Variants in AGBL1 observed in about 807,000 individuals in gnomAD.
AGBL1 encodes the protein AGBL carboxypeptidase 1, also known as cytosolic carboxypeptidase 4.
Under a neutral mutation model 118.9 loss-of-function variants are expected in AGBL1, and 130 were observed. That is an observed-to-expected ratio of 1.09 (90% confidence interval 0.95 to 1.26). The LOEUF (loss-of-function observed/expected upper bound fraction) is 1.26, where lower values mean the gene tolerates loss of function less well. AGBL1 is among the 50% of genes most tolerant of loss of function. AGBL1 has a pLI of 0.00. For synonymous variants in AGBL1, 555 were observed against 478.9 expected (o/e 1.16, Z -2.08); for missense variants, 1,584 against 1,298.1 (o/e 1.22, Z -3.38).
intron 5 of AGBL1, among the ~76,000 whole-genome samples, chr15:86,184,071 T>C (rs1359541285): frequency 6.6e-6 from 1 of 152,164 alleles, no homozygotes; most frequent in African/African-American, 2.4e-5. Context: ...AGAGATAAAG[T>C]GTTATAATGT....
At chr15:86,493,853 C>T (rs776257281) in intron 18 of AGBL1, among the ~76,000 whole-genome samples, 8 of 152,050 alleles carry the variant, frequency 5.3e-5, no homozygotes, top group Non-Finnish European at 1.2e-4. Context: ...CATCCCCTTG[C>T]CCACTTCCCC....
chr15:86,544,291 C>T (rs1009508432), intron 19 of AGBL1, among the ~76,000 whole-genome samples: 1 of 152,136 alleles, frequency 6.6e-6, no homozygotes, highest in African/African-American at 2.4e-5. Flanking sequence ...TCTCATCATC[C>T]AGCAGCCCAG....
intron 23 of AGBL1, among the ~76,000 whole-genome samples, chr15:86,929,024 A>G (rs917484036): frequency 1.3e-5 from 2 of 152,020 alleles, no homozygotes; most frequent in African/African-American, 4.8e-5. Context: ...CTTTTTTTCA[A>G]ACTCCCTGTC....
chr15:86,470,078 C>T (rs754613519), intron 18 of AGBL1, among the ~76,000 whole-genome samples: 7 of 152,110 alleles, frequency 4.6e-5, no homozygotes, highest in African/African-American at 9.7e-5. Flanking sequence ...TTTAGTATGA[C>T]ACAATTCCAT....
At chr15:86,638,299 G>T (rs2085132669) in intron 21 of AGBL1, among the ~76,000 whole-genome samples, 1 of 152,186 alleles carries the variant, frequency 6.6e-6, no homozygotes, top group Non-Finnish European at 1.5e-5. Flanking sequence ...TATGCCTTTT[G>T]AAATTTTCTA....
intron 22 of AGBL1, among the ~76,000 whole-genome samples, chr15:86,787,940 T>C (rs1315873573): frequency 6.6e-6 from 1 of 152,236 alleles, no homozygotes; most frequent in African/African-American, 2.4e-5. Flanking sequence ...ATTCTTGCTA[T>C]TTAATTGCAT....
intron 17 of AGBL1, among the ~76,000 whole-genome samples, chr15:86,309,976 A>AT (rs916008952): frequency 1.3e-4 from 20 of 152,282 alleles, no homozygotes; most frequent in Admixed American, 1.3e-4. Context: ...CTTGTCTTCA[A>AT]TTTTTTGGGA....
intron 22 of AGBL1, among the ~76,000 whole-genome samples, chr15:86,859,821 G>A (rs1388124814): frequency 6.6e-6 from 1 of 152,150 alleles, no homozygotes; most frequent in African/African-American, 2.4e-5. Flanking sequence ...ACAATACATG[G>A]CTTTGGAGTC....
At chr15:86,250,491 A>C (rs956689533) in intron 7 of AGBL1, among the ~76,000 whole-genome samples, 3 of 127,000 alleles carry the variant, frequency 2.4e-5, no homozygotes, top group African/African-American at 9.1e-5. Context: ...ACACCATTGC[A>C]CTCCAGTCTG....
chr15:86,443,971 G>C (rs2082093401), intron 18 of AGBL1, among the ~76,000 whole-genome samples: 1 of 152,170 alleles, frequency 6.6e-6, no homozygotes. Flanking sequence ...TAAATACTTT[G>C]TAGTAGGATT....
chr15:86,218,856 G>T (rs1262279016), intron 5 of AGBL1, among the ~76,000 whole-genome samples: 3 of 152,212 alleles, frequency 2.0e-5, no homozygotes, highest in Admixed American at 2.0e-4. Flanking sequence ...TCCTTCCCCA[G>T]TTGAGCCTCA....
At chr15:86,093,312 T>A (rs1268573198) in intron 1 of AGBL1, among the ~76,000 whole-genome samples, 1 of 152,184 alleles carries the variant, frequency 6.6e-6, no homozygotes, top group African/African-American at 2.4e-5. Context: ...GTTAAAAACA[T>A]CATTGGTGGA....
intron 21 of AGBL1, among the ~76,000 whole-genome samples, chr15:86,589,269 TAGAA>T (rs1364504082): frequency 1.3e-5 from 2 of 152,068 alleles, no homozygotes; most frequent in Non-Finnish European, 2.9e-5. Context: ...TTATTATAGA[TAGAA>T]AGTATACTGC....
intron 1 of AGBL1, among the ~76,000 whole-genome samples, chr15:86,121,029 T>C (rs1426381310): frequency 2.0e-5 from 3 of 152,072 alleles, no homozygotes; most frequent in African/African-American, 7.2e-5. Flanking sequence ...CCTGAGTAGC[T>C]TGGACTACAG....
chr15:86,301,456 T>A (rs2079743649), intron 17 of AGBL1, among the ~76,000 whole-genome samples: 1 of 151,360 alleles, frequency 6.6e-6, no homozygotes, highest in African/African-American at 2.4e-5. Flanking sequence ...AAAAAAAAAA[T>A]TAACTACAAG....
intron 17 of AGBL1, among the ~76,000 whole-genome samples, chr15:86,367,419 A>G (rs574013910): frequency 3.9e-5 from 6 of 152,066 alleles, no homozygotes; most frequent in Non-Finnish European, 8.8e-5. Flanking sequence ...TCCTAGAGCT[A>G]CCTCTTAGGA....
At chr15:86,222,942 G>T (rs959258445) in intron 5 of AGBL1, among the ~76,000 whole-genome samples, 1 of 152,110 alleles carries the variant, frequency 6.6e-6, no homozygotes, top group African/African-American at 2.4e-5. Context: ...TAAATTATCT[G>T]TTAGAATAAA....
chr15:86,889,633 G>A (rs989527986), intron 22 of AGBL1, among the ~76,000 whole-genome samples: 3 of 152,158 alleles, frequency 2.0e-5, no homozygotes, highest in African/African-American at 7.2e-5. Flanking sequence ...ACTTATAAGT[G>A]AGAACATGTG....
intron 22 of AGBL1, among the ~76,000 whole-genome samples, chr15:86,814,442 A>G (rs1386144476): frequency 6.6e-6 from 1 of 152,104 alleles, no homozygotes; most frequent in Non-Finnish European, 1.5e-5. Flanking sequence ...CAGAGACTGA[A>G]CCTACATAGG....
Sources: gnomAD v4.1 joint callset for allele counts (sites outside exome capture counted in the v4.1 genomes callset) on GRCh38, gnomAD v4.1.1 for gene constraint, MANE v1.5 for transcripts, NCBI Gene and HGNC (gene_info 2026-07-23, HGNC 2026-07-21) for gene names.